The following NOL4 variants were observed in gnomAD, a reference collection of about 807,000 sequenced individuals.
NOL4 encodes the protein nucleolar protein 4.
In NOL4, 17 loss-of-function variants were observed where a neutral mutation model predicts 75.9. That is an observed-to-expected ratio of 0.22 (90% CI 0.15 to 0.34). The LOEUF (loss-of-function observed/expected upper bound fraction) is 0.34. NOL4 is among the 10% of genes least tolerant of loss of function. The probability of loss-of-function intolerance (pLI) is 1.00; values close to 1 mark genes in which losing one functional copy is unlikely to be tolerated. For missense variants in NOL4, 614 were observed against 793.5 expected (o/e 0.77, Z 2.72); for synonymous variants, 292 against 289.9 (o/e 1.01, Z -0.07).
At chr18:34,135,584 C>T (rs2080854072) in intron 1 of NOL4, among the ~76,000 whole-genome samples, 1 of 147,266 alleles carries the variant, frequency 6.8e-6, no homozygotes, top group Admixed American at 7.0e-5. Context: ...GTAGTGCCCG[C>T]TACTTGGGAG....
intron 5 of NOL4, among the ~76,000 whole-genome samples, chr18:34,080,218 C>A (rs1193449919): frequency 1.3e-5 from 2 of 152,152 alleles, no homozygotes; most frequent in African/African-American, 2.4e-5. Context: ...ATCCTCAGGT[C>A]AAACTGTAGC....
chr18:33,907,323 CAAAAAAAAAAA>C (rs35702916), intron 9 of NOL4, among the ~76,000 whole-genome samples: 3 of 79,702 alleles, frequency 3.8e-5, no homozygotes, highest in Admixed American at 1.5e-4. Context: ...GACTCCATTT[CAAAAAAAAAAA>C]AAAAAAAAAG....
At chr18:34,165,508 C>A (rs527881310) in intron 1 of NOL4, among the ~76,000 whole-genome samples, 1 of 152,272 alleles carries the variant, frequency 6.6e-6, no homozygotes, top group East Asian at 1.9e-4. Flanking sequence ...TGCTTTCCAG[C>A]TGGGTCTCAA....
chr18:33,863,732 G>A (rs180763562), intron 10 of NOL4, among the ~76,000 whole-genome samples: 122 of 152,216 alleles, frequency 8.0e-4, no homozygotes, highest in Admixed American at 8.0e-3. Flanking sequence ...ACTATTCTGG[G>A]GTCTGGAGGA....
chr18:33,895,014 G>T (rs1301313090), intron 9 of NOL4, among the ~76,000 whole-genome samples: 1 of 152,048 alleles, frequency 6.6e-6, no homozygotes, highest in African/African-American at 2.4e-5. Flanking sequence ...TGAAGTGATA[G>T]ATATGTCAAT....
intron 8 of NOL4, among the ~76,000 whole-genome samples, chr18:33,950,551 A>G (rs1009188725): frequency 1.3e-5 from 2 of 152,150 alleles, no homozygotes; most frequent in African/African-American, 4.8e-5. Context: ...CTTGTATTAT[A>G]TAAGACATTG....
At chr18:34,210,497 A>G (rs2036440441) in intron 1 of NOL4, among the ~76,000 whole-genome samples, 1 of 152,236 alleles carries the variant, frequency 6.6e-6, no homozygotes, top group Non-Finnish European at 1.5e-5. Flanking sequence ...AACATAACCA[A>G]TGCTATGCCT....
At chr18:34,116,171 T>G (rs998491539) in intron 2 of NOL4, among the ~76,000 whole-genome samples, 3 of 152,104 alleles carry the variant, frequency 2.0e-5, no homozygotes, top group Admixed American at 1.3e-4. Context: ...AACAATAAAA[T>G]CAGCCTCTGG....
intron 1 of NOL4, among the ~76,000 whole-genome samples, chr18:34,175,409 C>T (rs916913591): frequency 6.6e-6 from 1 of 152,082 alleles, no homozygotes; most frequent in Non-Finnish European, 1.5e-5. Context: ...AAATAGTAAA[C>T]TAAACAAAAA....
At chr18:34,133,084 C>T (rs867805056) in intron 1 of NOL4, among the ~76,000 whole-genome samples, 1 of 151,762 alleles carries the variant, frequency 6.6e-6, no homozygotes, top group African/African-American at 2.4e-5. Flanking sequence ...ACCAGCCTGA[C>T]CAACATAGAG....
At chr18:34,103,337 A>G (rs1344407096) in intron 4 of NOL4, among the ~76,000 whole-genome samples, 2 of 152,054 alleles carry the variant, frequency 1.3e-5, no homozygotes, top group East Asian at 1.9e-4. Flanking sequence ...AATATAAACC[A>G]TACATATATA....
At chr18:34,123,507 G>T (rs1357352584) in intron 2 of NOL4, among the ~76,000 whole-genome samples, 1 of 142,606 alleles carries the variant, frequency 7.0e-6, no homozygotes. Flanking sequence ...TACCTCAAAT[G>T]AGATATCATT....
intron 9 of NOL4, among the ~76,000 whole-genome samples, chr18:33,913,248 CCT>C (rs968012887): frequency 5.9e-5 from 9 of 152,074 alleles, no homozygotes; most frequent in Non-Finnish European, 1.2e-4. Context: ...TCTTCATATC[CCT>C]GTTTCTTCTT....
chr18:34,168,452 A>C (rs1052711914), intron 1 of NOL4, among the ~76,000 whole-genome samples: 1 of 151,674 alleles, frequency 6.6e-6, no homozygotes, highest in Admixed American at 6.6e-5. Context: ...GGGGGAAAAA[A>C]GGTCTGCAGA....
intron 9 of NOL4, among the ~76,000 whole-genome samples, chr18:33,902,049 G>A (rs1599805595): frequency 6.6e-6 from 1 of 151,686 alleles, no homozygotes; most frequent in South Asian, 2.1e-4. Flanking sequence ...AAAGAGGGAA[G>A]TACAGAACAA....
intron 1 of NOL4, among the ~76,000 whole-genome samples, chr18:34,205,748 T>A (rs2036079770): frequency 6.6e-6 from 1 of 151,884 alleles, no homozygotes; most frequent in Non-Finnish European, 1.5e-5. Flanking sequence ...CAAGACCCTA[T>A]CCCCTCCTCA....
At chr18:34,124,937 C>CT (rs2080316313) in intron 2 of NOL4, among the ~76,000 whole-genome samples, 2 of 151,102 alleles carry the variant, frequency 1.3e-5, no homozygotes, top group Non-Finnish European at 2.9e-5. Flanking sequence ...AGGTCCTATG[C>CT]TAACTGGGAG....
At chr18:33,858,578 T>C (rs1299605418) in intron 10 of NOL4, among the ~76,000 whole-genome samples, 1 of 152,010 alleles carries the variant, frequency 6.6e-6, no homozygotes, top group African/African-American at 2.4e-5. Flanking sequence ...CATTGCTAGA[T>C]TCAACATGCT....
rs146555030 is a variant in NOL4, at chr18:34,215,281, T to C, written c.264+7709A>G. Among the ~76,000 whole-genome samples the C allele has an allele frequency of 9.8e-5, 15 of 152,316 alleles. No individual in the cohort carries two copies. The East Asian group carries it at 1.9e-3, about 20-fold the overall frequency. Reference sequence around the variant, plus strand: ...TGGTAAATAAGAAGCTGTTGTATAATGTCCCATTATGTCATGTCAGATTGG... The same window carrying C: ...TGGTAAATAAGAAGCTGTTGTATAACGTCCCATTATGTCATGTCAGATTGG... On this transcript the variant is annotated intron_variant, in intron 1 of 10. Transcript: ENST00000261592.
Sources: allele counts gnomAD v4.1 joint callset (sites outside exome capture counted in the v4.1 genomes callset), GRCh38; gene constraint gnomAD v4.1.1; transcripts MANE v1.5; gene names NCBI Gene and HGNC (gene_info 2026-07-23, HGNC 2026-07-21).